Variants in KSR1 observed in about 807,000 individuals in gnomAD.
KSR1 encodes kinase suppressor of ras.
KSR1 carries 35 observed loss-of-function variants against 92.9 expected under a neutral mutation model. The observed-to-expected ratio is 0.38, with a 90% CI of 0.29 to 0.50. The LOEUF (loss-of-function observed/expected upper bound fraction) is 0.50. Among genes scored for constraint, KSR1 ranks in the 20% least tolerant of loss-of-function variants. KSR1 has a pLI of 0.94. For missense variants in KSR1, 972 were observed against 1,158.5 expected, an observed-to-expected ratio of 0.84 and a Z score of 2.34; for synonymous variants, 467 against 472.6, an observed-to-expected ratio of 0.99 and a Z score of 0.15.
At chr17:27,601,453 T>C (rs2073554508) in intron 11 of KSR1, 52 bp downstream of exon 11, 4 of 1,510,124 alleles carry the variant, frequency 2.6e-6, no homozygotes, top group Non-Finnish European at 3.7e-6. Flanking sequence ...ACCCCTTCTG[T>C]CCTGCCCACC....
intron 1 of KSR1, among the ~76,000 whole-genome samples, chr17:27,482,904 A>G (rs180808923): frequency 6.9e-5 from 5 of 72,490 alleles, no homozygotes; most frequent in South Asian, 5.4e-4. Flanking sequence ...CAATTTTTCA[A>G]TAAACCTACA....
chr17:27,509,480 G>A (rs1029323381), intron 1 of KSR1, among the ~76,000 whole-genome samples: 2 of 151,788 alleles, frequency 1.3e-5, no homozygotes, highest in East Asian at 1.9e-4. Context: ...TAGGAGAGAC[G>A]GGGTTTCACC....
intron 1 of KSR1, among the ~76,000 whole-genome samples, chr17:27,521,588 C>A (rs578044906): frequency 3.3e-5 from 5 of 152,142 alleles, no homozygotes; most frequent in African/African-American, 9.7e-5. Flanking sequence ...TGAGCCACCA[C>A]GCCTGGCTAG....
chr17:27,474,882 C>G (rs1053994685), intron 1 of KSR1, among the ~76,000 whole-genome samples: 1 of 152,096 alleles, frequency 6.6e-6, no homozygotes, highest in Non-Finnish European at 1.5e-5. Flanking sequence ...CAAGACCAGC[C>G]TGGGCAACAT....
intron 1 of KSR1, among the ~76,000 whole-genome samples, chr17:27,464,703 C>A: frequency 1.7e-5 from 2 of 118,392 alleles, no homozygotes; most frequent in African/African-American, 2.9e-5. Context: ...AAGAACTTGA[C>A]TCAAAAAAAA....
At chr17:27,585,704 G>A (rs377550698) in intron 5 of KSR1, 43 bp downstream of exon 5, 103 of 750,134 alleles carry the variant, frequency 1.4e-4, no homozygotes, top group East Asian at 1.3e-3. Context: ...CCTGGGAGTC[G>A]TGTGTGCGTT....
At chr17:27,494,151 T>TAA (rs531351331) in intron 1 of KSR1, among the ~76,000 whole-genome samples, 1 of 148,476 alleles carries the variant, frequency 6.7e-6, no homozygotes, top group African/African-American at 2.5e-5. Context: ...GACAGCAGGT[T>TAA]AAAAAAAAAA....
At chr17:27,619,558 C>T (rs911958736) in intron 19 of KSR1, among the ~76,000 whole-genome samples, 15 of 150,004 alleles carry the variant, frequency 1.0e-4, no homozygotes, top group African/African-American at 2.2e-4. Context: ...CTACCACACC[C>T]GGCTAATTTT....
chr17:27,621,807 T>TTC, intron 20 of KSR1: 16 of 917,478 alleles, frequency 1.7e-5, no homozygotes, highest in Non-Finnish European at 2.8e-5. Context: ...GCCCTTTCTC[T>TTC]CTGGAAGAGA....
intron 2 of KSR1, chr17:27,560,313 A>G (rs371357969): frequency 6.3e-5 from 24 of 382,956 alleles, no homozygotes; most frequent in African/African-American, 4.5e-4. Flanking sequence ...AGTTGTTGAA[A>G]GGAAGTGGCA....
intron 2 of KSR1, among the ~76,000 whole-genome samples, chr17:27,554,028 A>C (rs2071499769): frequency 6.6e-6 from 1 of 152,046 alleles, no homozygotes; most frequent in Admixed American, 6.6e-5. Flanking sequence ...CCTGACCCCT[A>C]CCCTGGCCCT....
At chr17:27,603,788 G>T in intron 11 of KSR1, 46 bp from the exon 12 acceptor site, 1 of 1,598,104 alleles carries the variant, frequency 6.3e-7, no homozygotes, top group Non-Finnish European at 8.6e-7. Flanking sequence ...TCTTTGGGGA[G>T]AGGAAAGCAA....
intron 2 of KSR1, among the ~76,000 whole-genome samples, chr17:27,569,990 G>T (rs1213513256): frequency 6.6e-6 from 1 of 152,214 alleles, no homozygotes; most frequent in Non-Finnish European, 1.5e-5. Context: ...GGTGCAGCTG[G>T]AAGCTAGATA....
chr17:27,469,100 G>C (rs1439844044), intron 1 of KSR1, among the ~76,000 whole-genome samples: 1 of 152,158 alleles, frequency 6.6e-6, no homozygotes, highest in Non-Finnish European at 1.5e-5. Flanking sequence ...TATTCTCTGG[G>C]AGCCCCGGGC....
At chr17:27,569,923 A>C (rs1444116675) in intron 2 of KSR1, among the ~76,000 whole-genome samples, 1 of 152,198 alleles carries the variant, frequency 6.6e-6, no homozygotes, top group Non-Finnish European at 1.5e-5. Context: ...GCCACAGGAC[A>C]AGCTTTCCAG....
chr17:27,565,221 A>G (rs1277518158), intron 2 of KSR1, among the ~76,000 whole-genome samples: 2 of 152,158 alleles, frequency 1.3e-5, no homozygotes, highest in East Asian at 1.9e-4. Context: ...CTTCCAGTCA[A>G]CCAACTTTGC....
At chr17:27,464,992 G>A (rs2019616417) in intron 1 of KSR1, 1 of 151,762 alleles carries the variant, frequency 6.6e-6, no homozygotes, top group Non-Finnish European at 1.5e-5. Context: ...CACCACCACA[G>A]ATAGGCGGAA....
At chr17:27,554,505 T>A (rs1464241716) in intron 2 of KSR1, among the ~76,000 whole-genome samples, 1 of 152,196 alleles carries the variant, frequency 6.6e-6, no homozygotes, top group Non-Finnish European at 1.5e-5. Flanking sequence ...GCACAAACCC[T>A]GTTGTGAACT....
chr17:27,526,710 C>T (rs2070316565), intron 1 of KSR1: 1 of 1,455,434 alleles, frequency 6.9e-7, no homozygotes, highest in African/African-American at 1.4e-5. Context: ...CACGAGGGTT[C>T]AGGTTGAGAG....
Sources: allele counts gnomAD v4.1 joint callset (sites outside exome capture counted in the v4.1 genomes callset), GRCh38; gene constraint gnomAD v4.1.1; transcripts MANE v1.5; gene names NCBI Gene and HGNC (gene_info 2026-07-23, HGNC 2026-07-21).